Variants in INSYN2B observed in about 807,000 individuals in gnomAD.
INSYN2B encodes inhibitory synaptic factor family member 2B, also known as protein INSYN2B.
In INSYN2B, 16 loss-of-function variants were observed where a neutral mutation model predicts 41.2. The observed-to-expected ratio is 0.39, with a 90% confidence interval of 0.26 to 0.59. INSYN2B has a LOEUF of 0.59. Ranked by LOEUF, INSYN2B falls within the 20% of genes least tolerant of loss-of-function variation. The pLI is 0.57. For missense variants in INSYN2B, 608 were observed against 646.4 expected, an observed-to-expected ratio of 0.94 and a Z score of 0.64; for synonymous variants, 245 against 244.4, an observed-to-expected ratio of 1.00 and a Z score of -0.02.
chr5:169,887,738 G>A (rs1773052290), intron 1 of INSYN2B, among the ~76,000 whole-genome samples: 2 of 152,080 alleles, frequency 1.3e-5, no homozygotes, highest in African/African-American at 4.8e-5. Flanking sequence ...TGAAATAAAT[G>A]CCTAGAAGAA....
intron 1 of INSYN2B, among the ~76,000 whole-genome samples, chr5:169,956,875 G>C (rs76271069): frequency 6.6e-6 from 1 of 152,136 alleles, no homozygotes; most frequent in African/African-American, 2.4e-5. Context: ...TAAGGAAAAT[G>C]TGTAGGATGT....
At chr5:169,910,653 G>A (rs1424492318) in intron 1 of INSYN2B, among the ~76,000 whole-genome samples, 1 of 152,180 alleles carries the variant, frequency 6.6e-6, no homozygotes, top group Non-Finnish European at 1.5e-5. Flanking sequence ...AGGGGCCACG[G>A]CAATGAAGTC....
Position 169,864,460 on chromosome 5 carries a change from C to CTG in INSYN2B, c.1422-3_1422-2dup. 1 of 1,525,948 alleles carries CTG rather than the reference C, an allele frequency of 6.6e-7. No homozygotes were observed. The highest frequency in any genetic ancestry group is 8.8e-7 in the Non-Finnish European group (1 of 1,135,360). 94.5% of individuals were successfully genotyped at this position (1,525,948 alleles called of 1,614,324 possible). A position where few individuals can be genotyped will look rare whatever the true frequency, so the allele number is the denominator to read the frequency against. On this transcript the variant is annotated splice_acceptor_variant, in intron 3 of 3. Transcript: ENST00000377365. LOFTEE classifies it high-confidence loss of function. Reference sequence around the variant, plus strand: ...CTGCTGCCGAAAATCATACTCTACACTGAAAAACACAGAGAGGAAGGAAGG... The same window carrying CTG: ...CTGCTGCCGAAAATCATACTCTACACTGTGAAAAACACAGAGAGGAAGGAAGG...
chr5:169,971,839 G>A (rs938949082), intron 1 of INSYN2B, among the ~76,000 whole-genome samples: 3 of 152,104 alleles, frequency 2.0e-5, no homozygotes, highest in Non-Finnish European at 4.4e-5. Context: ...AATATCTCTC[G>A]TAGTTACCCA....
At chr5:169,868,001 G>A (rs1771700550) in intron 3 of INSYN2B, among the ~76,000 whole-genome samples, 1 of 152,192 alleles carries the variant, frequency 6.6e-6, no homozygotes, top group African/African-American at 2.4e-5. Context: ...CCTAGCTCCT[G>A]AAATAGCCCT....
intron 1 of INSYN2B, among the ~76,000 whole-genome samples, chr5:169,936,578 CT>C (rs4041977): frequency 0.25 from 30,961 of 122,646 alleles, 2,875 homozygotes; most frequent in African/African-American, 0.35. Flanking sequence ...TCTCAGACTC[CT>C]TTTTTTTTTT....
At chr5:169,966,618 A>G (rs1430831067) in intron 1 of INSYN2B, among the ~76,000 whole-genome samples, 1 of 152,200 alleles carries the variant, frequency 6.6e-6, no homozygotes, top group African/African-American at 2.4e-5. Flanking sequence ...ACCTGGCTCC[A>G]TACCCTTATT....
intron 1 of INSYN2B, among the ~76,000 whole-genome samples, chr5:169,926,575 G>A (rs184693423): frequency 3.1e-4 from 47 of 152,284 alleles, no homozygotes; most frequent in Admixed American, 1.3e-3. Flanking sequence ...CAGTGATGTG[G>A]CACATCAGCT....
At chr5:169,978,926 C>T (rs1581499315) in intron 1 of INSYN2B, among the ~76,000 whole-genome samples, 1 of 152,190 alleles carries the variant, frequency 6.6e-6, no homozygotes, top group African/African-American at 2.4e-5. Context: ...CGAGGTGACA[C>T]TGTCTGGTTT....
Position 169,862,787 on chromosome 5 carries a change from C to T in INSYN2B, c.*1486G>A, listed in dbSNP as rs760417577. ...CTATGACAGGGGAAGGTGAAACCAT[C>T]GGAGTGGTTTGCTCAATTAGGCTCA... On this transcript the variant is annotated 3_prime_UTR_variant, in exon 4 of 4. Transcript: ENST00000377365. Among the ~76,000 whole-genome samples, 3 of 152,188 alleles carry T rather than the reference C, an allele frequency of 2.0e-5. No individual in the cohort carries two copies. Among genetic ancestry groups the T allele is most frequent in the Non-Finnish European group, 2.9e-5 (2 of 68,040 alleles).
At chr5:169,881,630 C>T (rs768638541) in intron 2 of INSYN2B, among the ~76,000 whole-genome samples, 188 bp from the exon 3 acceptor site, 3 of 152,098 alleles carry the variant, frequency 2.0e-5, no homozygotes, top group Non-Finnish European at 4.4e-5. Context: ...AGGCTTTATA[C>T]GTGTTAAAGA....
chr5:169,885,993 TG>T (rs1772948819), intron 1 of INSYN2B, among the ~76,000 whole-genome samples: 1 of 152,140 alleles, frequency 6.6e-6, no homozygotes, highest in Non-Finnish European at 1.5e-5. Flanking sequence ...TTCCAAAGTC[TG>T]CATTCTTAAC....
At chr5:169,930,895 A>T (rs750218726) in intron 1 of INSYN2B, among the ~76,000 whole-genome samples, 3 of 152,194 alleles carry the variant, frequency 2.0e-5, no homozygotes, top group Non-Finnish European at 2.9e-5. Flanking sequence ...ACACATAAAT[A>T]CAATAAAGGA....
chr5:169,952,732 G>C (rs1561847473), intron 1 of INSYN2B, among the ~76,000 whole-genome samples: 1 of 152,190 alleles, frequency 6.6e-6, no homozygotes, highest in Non-Finnish European at 1.5e-5. Flanking sequence ...AGACATCTCA[G>C]GTAGGGGTTG....
chr5:169,919,875 C>T (rs761252422), intron 1 of INSYN2B, among the ~76,000 whole-genome samples: 22 of 152,118 alleles, frequency 1.4e-4, no homozygotes, highest in Non-Finnish European at 2.6e-4. Context: ...CATTAACCAG[C>T]AGATTAGTAT....
chr5:169,923,476 C>T (rs956674933), intron 1 of INSYN2B, among the ~76,000 whole-genome samples: 17 of 115,424 alleles, frequency 1.5e-4, no homozygotes, highest in Non-Finnish European at 1.7e-4. Flanking sequence ...CGTGTGCATG[C>T]ACGTGGGCAC....
intron 1 of INSYN2B, among the ~76,000 whole-genome samples, chr5:169,918,870 A>G (rs1158141712): frequency 6.6e-6 from 1 of 152,206 alleles, no homozygotes; most frequent in African/African-American, 2.4e-5. Flanking sequence ...AGATCATACC[A>G]CTGCATTCCA....
intron 1 of INSYN2B, among the ~76,000 whole-genome samples, chr5:169,940,854 C>T (rs919835670): frequency 1.1e-4 from 16 of 152,330 alleles, no homozygotes; most frequent in South Asian, 2.1e-4. Flanking sequence ...GGTACCAGTT[C>T]ATGGTCCAGG....
rs745592563 is a variant in INSYN2B at position 169,912,033 on chromosome 5, G to A, written c.-918-27217C>T. Among the ~76,000 whole-genome samples the A allele has an allele frequency of 2.7e-4, 41 of 152,116 alleles. 3 individuals are homozygous for A. The highest frequency in any genetic ancestry group is 1.4e-3 in the Admixed American group (21 of 15,286). On this transcript the variant is annotated intron_variant, in intron 1 of 3. Transcript: ENST00000377365. Reference sequence around the variant, plus strand: ...ACACTAGAGGGCATGGGCTAACTGCGTACCTATGCACATCAGGCTGTTGAA... The same window carrying A: ...ACACTAGAGGGCATGGGCTAACTGCATACCTATGCACATCAGGCTGTTGAA...
Sources: allele counts gnomAD v4.1 joint callset (sites outside exome capture counted in the v4.1 genomes callset), GRCh38; gene constraint gnomAD v4.1.1; transcripts MANE v1.5; gene names NCBI Gene and HGNC (gene_info 2026-07-23, HGNC 2026-07-21).